Variants in MTHFS observed in about 807,000 individuals in gnomAD.
MTHFS encodes 5-formyltetrahydrofolate cyclo-ligase.
A neutral mutation model predicts 12.7 loss-of-function variants in MTHFS; 7 were observed. The ratio of observed to expected loss-of-function variants is 0.55; its 90% CI spans 0.31 to 1.03. The LOEUF is 1.03. Ranked by LOEUF, MTHFS falls within the 50% of genes least tolerant of loss-of-function variation. The pLI, the probability that MTHFS is intolerant of heterozygous loss-of-function variation, is 0.05. For synonymous variants in MTHFS, 100 were observed against 97.1 expected, an observed-to-expected ratio of 1.03 and a Z score of -0.18; for missense variants, 252 against 258.1, an observed-to-expected ratio of 0.98 and a Z score of 0.16.
chr15:79,847,632 T>C (rs1036920007), intron 2 of MTHFS, among the ~76,000 whole-genome samples: 45 of 134,584 alleles, frequency 3.3e-4, no homozygotes, highest in African/African-American at 1.1e-3. Context: ...ATTGCGCCAC[T>C]GCACTCCAGC....
Position 79,855,037 on chromosome 15 carries a change from T to C in MTHFS, c.380-9595A>G, listed in dbSNP as rs1197131364. Reference sequence around the variant, plus strand: ...GTTTCAATAGGACACAGCCATGCTCTGTCTTCACACTAAAACAGCAGAATT... The same window carrying C: ...GTTTCAATAGGACACAGCCATGCTCCGTCTTCACACTAAAACAGCAGAATT... On this transcript the variant is annotated intron_variant, in intron 2 of 2. Coordinates refer to ENST00000258874, the MANE Select transcript of MTHFS (RefSeq NM_006441.4). Among the ~76,000 whole-genome samples, 3 of 152,320 alleles carry C rather than the reference T, an allele frequency of 2.0e-5. No individual in the cohort carries two copies. The East Asian group carries it at 5.8e-4, about 29-fold the overall frequency.
intron 2 of MTHFS, among the ~76,000 whole-genome samples, chr15:79,885,284 T>G (rs1267465402): frequency 6.6e-6 from 1 of 152,220 alleles, no homozygotes; most frequent in Non-Finnish European, 1.5e-5. Context: ...TTGTGATCAT[T>G]AAGTTATGGC....
At chr15:79,891,486 G>A (rs2034470991) in intron 1 of MTHFS, among the ~76,000 whole-genome samples, 1 of 152,024 alleles carries the variant, frequency 6.6e-6, no homozygotes, top group African/African-American at 2.4e-5. Context: ...GAAGCAATCA[G>A]GGAATTATGA....
In MTHFS at chr15:79,861,770, T is replaced by C. The variant is rs111311929; in HGVS notation, c.380-16328A>G. ...ACCACTTAAAACACTATGCTAAATC[T>C]ATATGTGTTGCTATGAAAAGAGTTC... is the stretch of plus-strand genomic sequence containing the variant. On this transcript the variant is annotated intron_variant, in intron 2 of 2. Transcript: ENST00000258874. 4.0e-3 allele frequency among the ~76,000 whole-genome samples: 616 copies of C among 152,340 alleles called. 6 individuals carry two copies. Among genetic ancestry groups the C allele is most frequent in the African/African-American group, 0.014 (599 of 41,566 alleles).
At chr15:79,874,761 T>C (rs2034160965) in intron 2 of MTHFS, among the ~76,000 whole-genome samples, 1 of 152,138 alleles carries the variant, frequency 6.6e-6, no homozygotes, top group Non-Finnish European at 1.5e-5. Context: ...GGGCTGTTCC[T>C]TGCTGAAAAA....
At chr15:79,884,752 G>A (rs150120828) in intron 2 of MTHFS, among the ~76,000 whole-genome samples, 1 of 152,308 alleles carries the variant, frequency 6.6e-6, no homozygotes, top group African/African-American at 2.4e-5. Flanking sequence ...ATAAGGAACA[G>A]TGAGACATCT....
At chr15:79,850,059 T>G (rs879702149) in intron 2 of MTHFS, among the ~76,000 whole-genome samples, 9 of 152,252 alleles carry the variant, frequency 5.9e-5, no homozygotes, top group Non-Finnish European at 1.3e-4. Context: ...TACTGCAATC[T>G]CTGTGCTTCC....
intron 2 of MTHFS, among the ~76,000 whole-genome samples, chr15:79,854,394 T>A (rs2033765370): frequency 1.3e-5 from 2 of 152,056 alleles, no homozygotes; most frequent in Admixed American, 6.5e-5. Flanking sequence ...CTGACTGGAG[T>A]GTGGATGTGC....
intron 2 of MTHFS, among the ~76,000 whole-genome samples, chr15:79,870,479 T>G (rs1231999777): frequency 6.6e-6 from 1 of 152,188 alleles, no homozygotes; most frequent in Non-Finnish European, 1.5e-5. Context: ...CAAAAAACTG[T>G]GACCCTAGAA....
intron 2 of MTHFS, among the ~76,000 whole-genome samples, chr15:79,861,058 C>T (rs754248157): frequency 2.0e-5 from 3 of 152,182 alleles, no homozygotes; most frequent in Non-Finnish European, 2.9e-5. Flanking sequence ...GAATAGTCAT[C>T]GTCGTCATCA....
intron 2 of MTHFS, among the ~76,000 whole-genome samples, chr15:79,882,913 T>C (rs1042969006): frequency 3.3e-5 from 5 of 152,156 alleles, no homozygotes; most frequent in African/African-American, 9.7e-5. Flanking sequence ...CTCACAAATA[T>C]AAAAAATGTT....
At chr15:79,884,354 T>C (rs529899106) in intron 2 of MTHFS, among the ~76,000 whole-genome samples, 2 of 152,324 alleles carry the variant, frequency 1.3e-5, no homozygotes, top group African/African-American at 2.4e-5. Context: ...GCCTGAATGT[T>C]TGGATTTCAT....
intron 2 of MTHFS, among the ~76,000 whole-genome samples, chr15:79,870,931 TGAG>T (rs1328999363): frequency 6.6e-6 from 1 of 152,112 alleles, no homozygotes; most frequent in Non-Finnish European, 1.5e-5. Flanking sequence ...TCACCTGAAC[TGAG>T]GAGGTCGAGA....
intron 2 of MTHFS, among the ~76,000 whole-genome samples, chr15:79,854,372 T>A (rs2033764905): frequency 6.6e-6 from 1 of 152,170 alleles, no homozygotes; most frequent in East Asian, 1.9e-4. Flanking sequence ...ATAGCTGCGA[T>A]GAGAAGGCTG....
At chr15:79,889,004 G>T in intron 2 of MTHFS, 89 bp downstream of exon 2, 1 of 1,519,100 alleles carries the variant, frequency 6.6e-7, no homozygotes, top group South Asian at 1.3e-5. Flanking sequence ...TACAGGAAAA[G>T]CAACTCCCAC....
At chr15:79,849,511 C>T (rs1344538830) in intron 2 of MTHFS, among the ~76,000 whole-genome samples, 1 of 152,164 alleles carries the variant, frequency 6.6e-6, no homozygotes, top group East Asian at 1.9e-4. Flanking sequence ...GCTTCCCTCA[C>T]ACACACTGGT....
At chr15:79,894,134 C>T (rs566604178) in intron 1 of MTHFS, among the ~76,000 whole-genome samples, 1 of 152,264 alleles carries the variant, frequency 6.6e-6, no homozygotes, top group East Asian at 1.9e-4. Flanking sequence ...CCTGTAATCC[C>T]AGCACTTTGG....
intron 1 of MTHFS, among the ~76,000 whole-genome samples, chr15:79,893,268 C>T (rs982269208): frequency 6.0e-5 from 9 of 151,100 alleles, no homozygotes; most frequent in Non-Finnish European, 4.4e-5. Context: ...TCAGGCGTGG[C>T]GGCAGGCGCC....
chr15:79,852,572 T>A (rs553911177), intron 2 of MTHFS, among the ~76,000 whole-genome samples: 30 of 152,340 alleles, frequency 2.0e-4, no homozygotes, highest in African/African-American at 7.0e-4. Flanking sequence ...GTAGTGAGAA[T>A]CATCTATTAA....
Sources: gnomAD v4.1 joint callset for allele counts (sites outside exome capture counted in the v4.1 genomes callset) on GRCh38, gnomAD v4.1.1 for gene constraint, MANE v1.5 for transcripts, NCBI Gene and HGNC (gene_info 2026-07-23, HGNC 2026-07-21) for gene names.